Variants in TTC28 observed in about 807,000 individuals in gnomAD.
The protein encoded by TTC28 is tetratricopeptide repeat domain 28.
TTC28 carries 61 observed loss-of-function variants against 198.0 expected under a neutral mutation model. That is an observed-to-expected ratio of 0.31 (90% confidence interval 0.25 to 0.38). The LOEUF is 0.38. Ranked by LOEUF, TTC28 falls within the 10% of genes least tolerant of loss-of-function variation. The pLI is 1.00. For synonymous variants in TTC28, 1,171 were observed against 1,297.8 expected (o/e 0.90, Z 2.10); for missense variants, 2,678 against 3,164.0 (o/e 0.85, Z 3.69).
At chr22:28,352,739 T>G (rs1254448565) in intron 2 of TTC28, among the ~76,000 whole-genome samples, 2 of 152,114 alleles carry the variant, frequency 1.3e-5, no homozygotes. Flanking sequence ...AAATAGGGAC[T>G]GGAAAAACTG....
intron 12 of TTC28, among the ~76,000 whole-genome samples, chr22:28,082,287 A>G (rs1026496116): frequency 2.0e-5 from 3 of 152,218 alleles, no homozygotes; most frequent in Non-Finnish European, 4.4e-5. Context: ...CCAGTACTAT[A>G]TATTGAAGAT....
chr22:28,377,200 T>C, intron 2 of TTC28, among the ~76,000 whole-genome samples: 1 of 107,874 alleles, frequency 9.3e-6, no homozygotes, highest in African/African-American at 3.4e-5. Context: ...TATTGTAAAG[T>C]AAAAAAAAAA....
chr22:28,177,229 G>C (rs1923243454), intron 5 of TTC28, among the ~76,000 whole-genome samples: 1 of 152,204 alleles, frequency 6.6e-6, no homozygotes, highest in Admixed American at 6.5e-5. Flanking sequence ...AAGATATGCA[G>C]ATGGCAAGGA....
intron 2 of TTC28, among the ~76,000 whole-genome samples, chr22:28,357,880 C>A (rs1443099691): frequency 1.3e-5 from 2 of 152,112 alleles, no homozygotes; most frequent in Admixed American, 6.5e-5. Context: ...AACATGAGAG[C>A]CGATTCGTCG....
chr22:28,320,051 T>C (rs186263354), intron 2 of TTC28, among the ~76,000 whole-genome samples: 1 of 152,188 alleles, frequency 6.6e-6, no homozygotes, highest in African/African-American at 2.4e-5. Context: ...TTTGCTTCAC[T>C]GTTTTTTTCC....
chr22:28,660,048 G>A (rs2051718023), intron 1 of TTC28, among the ~76,000 whole-genome samples: 1 of 152,020 alleles, frequency 6.6e-6, no homozygotes, highest in Non-Finnish European at 1.5e-5. Flanking sequence ...TCTCATCTTG[G>A]CCTCCCAAAG....
In TTC28 at chr22:28,418,830, C is replaced by T. The variant is rs140835947; in HGVS notation, c.382-112187G>A. Among the ~76,000 whole-genome samples, 280 of 152,286 alleles carry T rather than the reference C, an allele frequency of 1.8e-3. 1 individual carries two copies. The highest frequency in any genetic ancestry group is 5.3e-3 in the African/African-American group (219 of 41,578). On this transcript the variant is annotated intron_variant, in intron 2 of 22. Coordinates refer to ENST00000397906, the MANE Select transcript of TTC28 (RefSeq NM_001145418.2). ...TCAAATAACTAAACATAGACTGAAACATGTCCATTTGCTTTGAATTTGGAA... is the reference window on the plus strand; with the variant it reads ...TCAAATAACTAAACATAGACTGAAATATGTCCATTTGCTTTGAATTTGGAA...
chr22:28,512,736 G>A (rs577247564), intron 2 of TTC28, among the ~76,000 whole-genome samples: 74 of 152,088 alleles, frequency 4.9e-4, no homozygotes, highest in Non-Finnish European at 9.3e-4. Context: ...AGAATACATG[G>A]ACACACGGTG....
intron 2 of TTC28, among the ~76,000 whole-genome samples, chr22:28,552,451 G>A (rs1239166859): frequency 1.3e-5 from 2 of 152,038 alleles, no homozygotes; most frequent in Non-Finnish European, 2.9e-5. Context: ...AACAAATCTA[G>A]AAGTATCACA....
At chr22:28,410,518 A>G (rs2047064384) in intron 2 of TTC28, among the ~76,000 whole-genome samples, 2 of 152,236 alleles carry the variant, frequency 1.3e-5, no homozygotes, top group African/African-American at 2.4e-5. Context: ...CAAATATTTC[A>G]TTGTGAAAAG....
chr22:28,556,383 C>T (rs1303675100), intron 2 of TTC28, among the ~76,000 whole-genome samples: 1 of 152,148 alleles, frequency 6.6e-6, no homozygotes, highest in Admixed American at 6.5e-5. Context: ...ATTTCTCTTT[C>T]ATTCTTAAAA....
In TTC28 at chr22:28,528,993, G is replaced by A. The variant is rs531285382; in HGVS notation, c.381+100559C>T. Reference sequence around the variant, plus strand: ...GAACAACTCCAGTCTACAGCCCCCAGTGTGAGTGACACAGATGGGTGATTT... The same window carrying A: ...GAACAACTCCAGTCTACAGCCCCCAATGTGAGTGACACAGATGGGTGATTT... On this transcript the variant is annotated intron_variant, in intron 2 of 22. Coordinates refer to ENST00000397906, the MANE Select transcript of TTC28 (RefSeq NM_001145418.2). Among the ~76,000 whole-genome samples the A allele has an allele frequency of 1.1e-4, 16 of 152,304 alleles. No homozygotes were observed. In the East Asian group the frequency reaches 2.1e-3, roughly 20 times the overall value.
intron 12 of TTC28, among the ~76,000 whole-genome samples, chr22:28,058,092 C>T (rs1940364826): frequency 6.7e-6 from 1 of 148,988 alleles, no homozygotes; most frequent in Non-Finnish European, 1.5e-5. Flanking sequence ...AGAAATGCTT[C>T]TTTTTTTTTT....
chr22:28,157,797 C>G (rs556353180), intron 6 of TTC28, among the ~76,000 whole-genome samples: 35 of 152,226 alleles, frequency 2.3e-4, no homozygotes, highest in African/African-American at 6.5e-4. Flanking sequence ...AAGAGACCCA[C>G]AGCTAGTATC....
At chr22:28,342,758 T>C (rs1324279800) in intron 2 of TTC28, among the ~76,000 whole-genome samples, 1 of 152,168 alleles carries the variant, frequency 6.6e-6, no homozygotes, top group Non-Finnish European at 1.5e-5. Flanking sequence ...AATAAGCATA[T>C]CTACACAGTA....
At chr22:28,113,787 T>A (rs1942555978) in intron 6 of TTC28, among the ~76,000 whole-genome samples, 1 of 152,226 alleles carries the variant, frequency 6.6e-6, no homozygotes, top group Non-Finnish European at 1.5e-5. Context: ...TATGAGTATG[T>A]GGGAGTTCAT....
chr22:28,097,335 A>G (rs959435922), intron 10 of TTC28, among the ~76,000 whole-genome samples: 2 of 152,210 alleles, frequency 1.3e-5, no homozygotes, highest in African/African-American at 4.8e-5. Flanking sequence ...TTACATCACT[A>G]CATGTATAAC....
intron 6 of TTC28, among the ~76,000 whole-genome samples, chr22:28,130,131 T>C (rs775178075): frequency 6.6e-6 from 1 of 152,236 alleles, no homozygotes; most frequent in Non-Finnish European, 1.5e-5. Flanking sequence ...AGATATCCTA[T>C]ATGGAAAATT....
chr22:28,216,575 CAAAGG>C (rs1288459675), intron 5 of TTC28, among the ~76,000 whole-genome samples: 11 of 151,638 alleles, frequency 7.3e-5, no homozygotes, highest in Admixed American at 7.2e-4. Context: ...CATTTACATA[CAAAGG>C]AAAGGTTAAA....
Sources: gnomAD v4.1 joint callset for allele counts (sites outside exome capture counted in the v4.1 genomes callset) on GRCh38, gnomAD v4.1.1 for gene constraint, MANE v1.5 for transcripts, NCBI Gene and HGNC (gene_info 2026-07-23, HGNC 2026-07-21) for gene names.